The following DOCK7 variants were observed in gnomAD, a reference collection of about 807,000 sequenced individuals.
DOCK7 encodes the protein dedicator of cytokinesis 7, also known as dedicator of cytokinesis protein 7.
A neutral mutation model predicts 271.0 loss-of-function variants in DOCK7; 138 were observed. The ratio of observed to expected loss-of-function variants is 0.51; its 90% CI spans 0.44 to 0.59. The LOEUF is 0.59. Among genes scored for constraint, DOCK7 ranks in the 20% least tolerant of loss-of-function variants. The pLI is 0.00. For synonymous variants in DOCK7, 823 were observed against 876.1 expected (o/e 0.94, Z 1.07); for missense variants, 2,066 against 2,592.4 (o/e 0.80, Z 4.41).
At chr1:62,617,775 T>C (rs1033901056) in intron 14 of DOCK7, among the ~76,000 whole-genome samples, 1 of 152,072 alleles carries the variant, frequency 6.6e-6, no homozygotes, top group African/African-American at 2.4e-5. Context: ...GCAAATGTGG[T>C]TCCCATTATA....
intron 48 of DOCK7, 73 bp from the exon 49 acceptor site, chr1:62,457,778 A>AATACAT (rs558915644): frequency 7.3e-7 from 1 of 1,375,698 alleles, no homozygotes; most frequent in South Asian, 1.3e-5. Flanking sequence ...ACACACGCAA[A>AATACAT]ATACATATAC....
In DOCK7 at chr1:62,538,123, A is replaced by T. The variant is rs1487249120; in HGVS notation, c.3301-62T>A. 5.3e-6 allele frequency: 8 copies of T among 1,503,194 alleles called. No homozygotes were observed. The African/African-American group carries it at 8.4e-5, about 16-fold the overall frequency. The allele number at this position is 1,503,194 out of a possible 1,614,324, so 93.1% of individuals were successfully genotyped here. ...AATCTATTATTTCTTTAATACTAATACCAGAATGGCAAATTAGAATTAAAG... is the reference window on the plus strand; with the variant it reads ...AATCTATTATTTCTTTAATACTAATTCCAGAATGGCAAATTAGAATTAAAG... On this transcript the variant is annotated intron_variant, in intron 27 of 49. Coordinates refer to ENST00000635253, the MANE Select transcript of DOCK7 (RefSeq NM_001367561.1).
chr1:62,591,235 A>G (rs1347150360), intron 14 of DOCK7, among the ~76,000 whole-genome samples: 1 of 152,196 alleles, frequency 6.6e-6, no homozygotes, highest in East Asian at 1.9e-4. Flanking sequence ...ATCCTTAGCA[A>G]ACTAATGCAG....
chr1:62,607,496 T>C (rs998315985), intron 14 of DOCK7, among the ~76,000 whole-genome samples: 4 of 152,194 alleles, frequency 2.6e-5, no homozygotes, highest in African/African-American at 9.7e-5. Flanking sequence ...ACTTCAGTGC[T>C]AGATTATATA....
intron 7 of DOCK7, among the ~76,000 whole-genome samples, chr1:62,642,599 G>A (rs937507351): frequency 2.1e-4 from 32 of 152,120 alleles, no homozygotes; most frequent in African/African-American, 7.7e-4. Flanking sequence ...CAAACAGTAA[G>A]ATCTTAGAAT....
At chr1:62,599,565 C>A (rs184914424) in intron 14 of DOCK7, among the ~76,000 whole-genome samples, 63 of 152,134 alleles carry the variant, frequency 4.1e-4, no homozygotes, top group Non-Finnish European at 7.9e-4. Context: ...TATTCCTGCA[C>A]TAAAATGTAA....
chr1:62,636,248 A>G (rs940588545), intron 8 of DOCK7, among the ~76,000 whole-genome samples: 2 of 152,160 alleles, frequency 1.3e-5, no homozygotes, highest in African/African-American at 4.8e-5. Flanking sequence ...TGTCATTCCT[A>G]TTGTTATGTA....
At chr1:62,503,356 T>C (rs930252868) in intron 37 of DOCK7, among the ~76,000 whole-genome samples, 2 of 151,280 alleles carry the variant, frequency 1.3e-5, no homozygotes, top group Admixed American at 6.6e-5. Flanking sequence ...GACACACAAA[T>C]ACACAGATCC....
intron 48 of DOCK7, among the ~76,000 whole-genome samples, chr1:62,473,217 G>C (rs1318203535): frequency 1.3e-5 from 2 of 152,020 alleles, no homozygotes; most frequent in African/African-American, 4.8e-5. Flanking sequence ...TTACTTTATA[G>C]ATTAGAAAAT....
chr1:62,522,912 G>A (rs557081810), intron 31 of DOCK7, among the ~76,000 whole-genome samples: 8 of 151,886 alleles, frequency 5.3e-5, no homozygotes, highest in South Asian at 4.2e-4. Flanking sequence ...AGCAATCAAC[G>A]TTAGAAAACA....
At chr1:62,558,925 TAACAAAA>T in intron 20 of DOCK7, 57 bp downstream of exon 20, 3 of 1,332,476 alleles carry the variant, frequency 2.3e-6, no homozygotes, top group Admixed American at 2.2e-5. Flanking sequence ...TTTTTTTTTT[TAACAAAA>T]TTTAGAAATG....
Position 62,455,352 on chromosome 1 carries a change from CT to C in DOCK7, c.*61del. 1 of 1,552,330 alleles carries C rather than the reference CT, an allele frequency of 6.4e-7. No individual in the cohort carries two copies. Among genetic ancestry groups the C allele is most frequent in the Non-Finnish European group, 8.9e-7 (1 of 1,125,664 alleles). On this transcript the variant is annotated 3_prime_UTR_variant, in exon 50 of 50. Coordinates refer to ENST00000635253, the MANE Select transcript of DOCK7 (RefSeq NM_001367561.1). ...CATTCCATGTTGTTTTCCAATAGAT[CT>C]TTTCACACTCGATGTTGAATACATG...
At chr1:62,500,179 C>A (rs1323840976) in intron 37 of DOCK7, among the ~76,000 whole-genome samples, 2 of 151,980 alleles carry the variant, frequency 1.3e-5, no homozygotes, top group East Asian at 3.9e-4. Context: ...CAAATGATGT[C>A]ATAAAACAGA....
chr1:62,548,617 C>T (rs1433248686), intron 22 of DOCK7, among the ~76,000 whole-genome samples: 1 of 152,066 alleles, frequency 6.6e-6, no homozygotes, highest in Non-Finnish European at 1.5e-5. Context: ...GACGGGGTTT[C>T]TCCATGTTGG....
intron 1 of DOCK7, among the ~76,000 whole-genome samples, chr1:62,685,288 G>C (rs369673060): frequency 5.9e-5 from 9 of 152,320 alleles, no homozygotes; most frequent in African/African-American, 2.2e-4. Context: ...GAGTGGCTGT[G>C]CTGGGGTGTC....
chr1:62,656,991 T>C lies in DOCK7; in HGVS notation c.145-2832A>G, dbSNP rs1429822678. On this transcript the variant is annotated intron_variant, in intron 2 of 49. Transcript: ENST00000635253. ...TATCAGAGAAGCACAAGTAGGGTGT[T>C]GGGATTTTCCTATCTACCGAGCAAT... Among the ~76,000 whole-genome samples the C allele has an allele frequency of 2.6e-5, 4 of 152,272 alleles. No homozygotes were observed. The East Asian group carries it at 7.7e-4, about 29-fold the overall frequency.
intron 14 of DOCK7, among the ~76,000 whole-genome samples, chr1:62,589,994 C>G (rs1648201158): frequency 6.6e-6 from 1 of 151,474 alleles, no homozygotes; most frequent in Admixed American, 6.6e-5. Flanking sequence ...GACAAGTCTG[C>G]AAAGAAGACC....
Position 62,578,842 on chromosome 1 carries a change from G to A in DOCK7, c.1996C>T (p.Pro666Ser), listed in dbSNP as rs1371539862. 3 of 1,601,868 alleles carry A rather than the reference G, an allele frequency of 1.9e-6. No individual in the cohort carries two copies. Among genetic ancestry groups the A allele is most frequent in the African/African-American group, 1.4e-5 (1 of 74,034 alleles). The change falls in exon 17 of 50, where the codon CCA becomes TCA. Residue 666 changes from proline to serine, a missense_variant. Pro to Ser is a moderately conservative substitution (Grantham distance 74, BLOSUM62 -1). Around this residue, in one of 2 missense-constraint regions of DOCK7, gnomAD observed 1,414 missense variants for 1,670.4 expected, o/e 0.85. Coordinates refer to ENST00000635253, the MANE Select transcript of DOCK7 (RefSeq NM_001367561.1). Reference sequence around the variant, plus strand: ...AAAGGACTCACTGTATATCCAACTGGTGTTTCAAGAGGAGTATTTTGTTTT... The same window carrying A: ...AAAGGACTCACTGTATATCCAACTGATGTTTCAAGAGGAGTATTTTGTTTT... The part of the protein sequence containing the change: ...QQKQNTPLET[P>S]VGYTWIPMLQ...
chr1:62,535,563 G>A lies in DOCK7; in HGVS notation c.3541C>T (p.Arg1181Cys), dbSNP rs202054691. 4.3e-6 allele frequency: 7 copies of A among 1,613,840 alleles called. No individual in the cohort carries two copies. Among genetic ancestry groups the A allele is most frequent in the Middle Eastern group, 1.6e-4 (1 of 6,082 alleles). The change falls in exon 29 of 50, where the codon CGC becomes TGC. Residue 1181 changes from arginine to cysteine, a missense_variant. Coordinates refer to ENST00000635253, the MANE Select transcript of DOCK7 (RefSeq NM_001367561.1). The stretch of plus-strand genomic sequence containing the variant: ...AGTCCTGCCAAATAATGCTGTTGGC[G>A]GAAAGGCACGGATAATTCAAACATA... ...ANMFELSVPF[R>C]QQHYLAGLVL...
Sources: allele counts gnomAD v4.1 joint callset (sites outside exome capture counted in the v4.1 genomes callset), GRCh38; gene constraint gnomAD v4.1.1; regional missense constraint gnomAD v4.1.1; transcripts MANE v1.5; gene names NCBI Gene and HGNC (gene_info 2026-07-23, HGNC 2026-07-21).